Variants in CHMP4B observed in about 807,000 individuals in gnomAD.
CHMP4B encodes charged multivesicular body protein 4B.
In CHMP4B, 1 loss-of-function variant was observed where a neutral mutation model predicts 25.1. The ratio of observed to expected loss-of-function variants is 0.04; its 90% CI spans 0.01 to 0.19. The LOEUF (loss-of-function observed/expected upper bound fraction) is 0.19. CHMP4B is among the 10% of genes least tolerant of loss of function. CHMP4B has a pLI of 1.00. For synonymous variants in CHMP4B, 101 were observed against 115.6 expected, an observed-to-expected ratio of 0.87 and a Z score of 0.81; for missense variants, 151 against 289.7, an observed-to-expected ratio of 0.52 and a Z score of 3.48.
intron 1 of CHMP4B, among the ~76,000 whole-genome samples, chr20:33,841,080 G>A (rs148099050): frequency 1.2e-4 from 18 of 152,296 alleles, no homozygotes; most frequent in Middle Eastern, 3.4e-3. Flanking sequence ...GATTTGGAGC[G>A]TTTGATATTC....
intron 1 of CHMP4B, among the ~76,000 whole-genome samples, chr20:33,836,974 T>G (rs944936735): frequency 3.9e-5 from 6 of 152,220 alleles, no homozygotes; most frequent in Non-Finnish European, 8.8e-5. Context: ...ATCCTGACTC[T>G]GCTGGTTGGT....
chr20:33,832,705 C>T (rs1288684939), intron 1 of CHMP4B, among the ~76,000 whole-genome samples: 2 of 151,936 alleles, frequency 1.3e-5, no homozygotes, highest in African/African-American at 2.4e-5. Context: ...TCCTGAGACA[C>T]GCCCATGTAT....
chr20:33,834,927 C>T (rs6059490), intron 1 of CHMP4B, among the ~76,000 whole-genome samples: 43 of 152,208 alleles, frequency 2.8e-4, no homozygotes, highest in African/African-American at 3.9e-4. Context: ...CTCAGCCTCC[C>T]GTGTAACTAG....
chr20:33,825,178 A>G (rs1422361946), intron 1 of CHMP4B, among the ~76,000 whole-genome samples: 1 of 152,190 alleles, frequency 6.6e-6, no homozygotes, highest in Admixed American at 6.5e-5. Context: ...TCTAATTTCA[A>G]AAAATATCAA....
chr20:33,836,567 C>T (rs1979397054), intron 1 of CHMP4B, among the ~76,000 whole-genome samples: 1 of 151,922 alleles, frequency 6.6e-6, no homozygotes, highest in Non-Finnish European at 1.5e-5. Flanking sequence ...CTTTCCCTGG[C>T]CTTAGATAGC....
At chr20:33,833,217 C>T (rs928624628) in intron 1 of CHMP4B, among the ~76,000 whole-genome samples, 5 of 152,198 alleles carry the variant, frequency 3.3e-5, no homozygotes, top group African/African-American at 1.2e-4. Context: ...ACAGAAAGAT[C>T]TGGGAGAATA....
chr20:33,822,364 C>G (rs1167898158), intron 1 of CHMP4B, among the ~76,000 whole-genome samples: 2 of 152,132 alleles, frequency 1.3e-5, no homozygotes, highest in Non-Finnish European at 2.9e-5. Context: ...AGGCTGGTCT[C>G]GAACTCCTGA....
chr20:33,821,153 G>A (rs1016038578), intron 1 of CHMP4B, among the ~76,000 whole-genome samples: 1 of 151,774 alleles, frequency 6.6e-6, no homozygotes, highest in Non-Finnish European at 1.5e-5. Context: ...TTGGGAGGCT[G>A]AGATGGGCGG....
At chr20:33,849,576 C>T (rs1473746986) in intron 2 of CHMP4B, among the ~76,000 whole-genome samples, 4 of 151,812 alleles carry the variant, frequency 2.6e-5, no homozygotes, top group Non-Finnish European at 4.4e-5. Context: ...CCAGCCTGGG[C>T]GACAGAGTGA....
intron 1 of CHMP4B, among the ~76,000 whole-genome samples, chr20:33,841,512 A>G (rs1435429283): frequency 2.0e-5 from 3 of 152,234 alleles, no homozygotes; most frequent in African/African-American, 7.2e-5. Context: ...CGATGGACAC[A>G]AAACAGCCTC....
intron 1 of CHMP4B, among the ~76,000 whole-genome samples, chr20:33,834,614 A>G (rs1979342432): frequency 6.6e-6 from 1 of 152,194 alleles, no homozygotes; most frequent in Admixed American, 6.5e-5. Flanking sequence ...AGTTCCCTTA[A>G]GGTACCACAT....
At chr20:33,836,033 G>A (rs187703454) in intron 1 of CHMP4B, among the ~76,000 whole-genome samples, 3 of 152,300 alleles carry the variant, frequency 2.0e-5, no homozygotes, top group Admixed American at 2.0e-4. Flanking sequence ...ACGAGACTTG[G>A]CAGGGTCAAA....
intron 1 of CHMP4B, among the ~76,000 whole-genome samples, chr20:33,844,828 G>A (rs563492395): frequency 4.6e-5 from 7 of 150,714 alleles, no homozygotes; most frequent in African/African-American, 7.3e-5. Flanking sequence ...TCGTGATCTC[G>A]GTTCTCTACA....
At chr20:33,812,228 T>C (rs1978646519) in intron 1 of CHMP4B, among the ~76,000 whole-genome samples, 1 of 152,214 alleles carries the variant, frequency 6.6e-6, no homozygotes, top group Non-Finnish European at 1.5e-5. Flanking sequence ...CTGAGTGAAC[T>C]TGAGCAAGTT....
chr20:33,852,305 G>A (rs1410004074), intron 4 of CHMP4B, 102 bp downstream of exon 4: 20 of 1,388,168 alleles, frequency 1.4e-5, no homozygotes, highest in Admixed American at 6.7e-5. Context: ...GTTTGTGGTC[G>A]GTTGGCTTTG....
rs115234980 is a variant in CHMP4B at position 33,814,457 on chromosome 20, G to T, written c.190+2799G>T. On this transcript the variant is annotated intron_variant, in intron 1 of 4. Coordinates refer to ENST00000217402, the MANE Select transcript of CHMP4B (RefSeq NM_176812.5). ...CTGCAGAGGAGGCGGCACCTGTTTG[G>T]GGGGAAGGATAAAGAAGACTTGGCA... Among the ~76,000 whole-genome samples, 1,136 of 152,256 alleles carry T rather than the reference G, an allele frequency of 7.5e-3. 13 individuals are homozygous for T. The highest frequency in any genetic ancestry group is 0.026 in the African/African-American group (1,083 of 41,526).
chr20:33,852,251 G>T, intron 4 of CHMP4B, 48 bp downstream of exon 4: 1 of 1,612,586 alleles, frequency 6.2e-7, no homozygotes, highest in East Asian at 2.2e-5. Flanking sequence ...TGTGGCAGGT[G>T]ATCTTGTGGT....
intron 1 of CHMP4B, among the ~76,000 whole-genome samples, chr20:33,835,644 G>A (rs1979372039): frequency 6.6e-6 from 1 of 152,224 alleles, no homozygotes; most frequent in African/African-American, 2.4e-5. Context: ...GAAGCTCGAT[G>A]TAGGTGTTTA....
At chr20:33,845,657 A>G (rs1221322871) in intron 1 of CHMP4B, among the ~76,000 whole-genome samples, 1 of 152,158 alleles carries the variant, frequency 6.6e-6, no homozygotes, top group Non-Finnish European at 1.5e-5. Flanking sequence ...GATGGGCTGG[A>G]CTGTGGGTGA....
Sources: allele counts gnomAD v4.1 joint callset (sites outside exome capture counted in the v4.1 genomes callset), GRCh38; gene constraint gnomAD v4.1.1; transcripts MANE v1.5; gene names NCBI Gene and HGNC (gene_info 2026-07-23, HGNC 2026-07-21).